SYN3: variants seen among roughly 807,000 people sequenced by gnomAD.
SYN3 encodes synapsin-3.
In SYN3, 35 loss-of-function variants were observed where a neutral mutation model predicts 65.8. That is an observed-to-expected ratio of 0.53 (90% CI 0.41 to 0.70). SYN3 has a LOEUF of 0.70. Ranked by LOEUF, SYN3 falls within the 30% of genes least tolerant of loss-of-function variation. The probability of loss-of-function intolerance (pLI) is 0.00; values close to 1 mark genes in which losing one functional copy is unlikely to be tolerated. For synonymous variants in SYN3, 270 were observed against 292.9 expected (o/e 0.92, Z 0.80); for missense variants, 680 against 749.0 (o/e 0.91, Z 1.08).
intron 10 of SYN3, 56 bp downstream of exon 10, chr22:32,533,737 C>T (rs2058115488): frequency 7.8e-6 from 10 of 1,285,154 alleles, no homozygotes; most frequent in Non-Finnish European, 1.1e-5. Context: ...ATTCCCTCCC[C>T]CTGGCACGCC....
chr22:32,752,757 C>T (rs1167509156), intron 6 of SYN3, among the ~76,000 whole-genome samples: 8 of 152,230 alleles, frequency 5.3e-5, no homozygotes, highest in African/African-American at 1.9e-4. Flanking sequence ...GATCTCTGAT[C>T]GACAGGAGAT....
At chr22:32,566,298 G>A (rs1356746670) in intron 7 of SYN3, among the ~76,000 whole-genome samples, 1 of 152,184 alleles carries the variant, frequency 6.6e-6, no homozygotes, top group East Asian at 1.9e-4. Flanking sequence ...ATAGAGGCAT[G>A]TGTCAAGCAC....
At chr22:32,862,536 G>A (rs1011772352) in intron 6 of SYN3, 22 of 152,180 alleles carry the variant, frequency 1.4e-4, no homozygotes, top group African/African-American at 5.3e-4. Flanking sequence ...TGTGACAATT[G>A]ACAATCTGGA....
Position 32,955,458 on chromosome 22 carries a change from T to C in SYN3, c.370-23977A>G, listed in dbSNP as rs141092196. ...ATGAGCCATGCGGACACCTGGGGGATGAGGGGCCCAGGCAAAGGCCTTGAT... is the reference window on the plus strand; with the variant it reads ...ATGAGCCATGCGGACACCTGGGGGACGAGGGGCCCAGGCAAAGGCCTTGAT... On this transcript the variant is annotated intron_variant, in intron 3 of 13. Transcript: ENST00000358763. 1.1e-3 allele frequency among the ~76,000 whole-genome samples: 166 copies of C among 152,278 alleles called. 2 individuals are homozygous for C. Among genetic ancestry groups the C allele is most frequent in the Admixed American group, 0.01 (154 of 15,292 alleles).
intron 1 of SYN3, among the ~76,000 whole-genome samples, chr22:33,012,115 C>T (rs2053364744): frequency 6.6e-6 from 1 of 152,074 alleles, no homozygotes; most frequent in Non-Finnish European, 1.5e-5. Context: ...TTTTCTAGAG[C>T]CTTGAGCTGG....
chr22:32,710,099 A>ATATATG (rs1555931600), intron 6 of SYN3, among the ~76,000 whole-genome samples: 27 of 65,630 alleles, frequency 4.1e-4, no homozygotes, highest in Admixed American at 2.3e-3. Context: ...ACACACACAC[A>ATATATG]TGTGTGTGTG....
At chr22:32,591,142 C>A (rs1385061876) in intron 7 of SYN3, among the ~76,000 whole-genome samples, 2 of 152,088 alleles carry the variant, frequency 1.3e-5, no homozygotes, top group Non-Finnish European at 2.9e-5. Context: ...TAAGGTCTCA[C>A]AACTATTAGG....
At chr22:32,895,395 T>C (rs2049562916) in intron 4 of SYN3, among the ~76,000 whole-genome samples, 1 of 152,228 alleles carries the variant, frequency 6.6e-6, no homozygotes. Flanking sequence ...TATACTTGCA[T>C]GTACATCTAT....
intron 4 of SYN3, among the ~76,000 whole-genome samples, chr22:32,903,872 G>C (rs1462633765): frequency 6.6e-6 from 1 of 152,244 alleles, no homozygotes; most frequent in Non-Finnish European, 1.5e-5. Flanking sequence ...CAGGAGGCTG[G>C]TGGGAAGACC....
intron 6 of SYN3, chr22:32,860,208 C>T (rs894395272): frequency 1.3e-5 from 2 of 152,246 alleles, no homozygotes; most frequent in Non-Finnish European, 2.9e-5. Context: ...CCCTGCCTCC[C>T]ACCAGACTTC....
At chr22:32,906,069 A>AC (rs967615416) in intron 4 of SYN3, among the ~76,000 whole-genome samples, 1 of 152,032 alleles carries the variant, frequency 6.6e-6, no homozygotes, top group African/African-American at 2.4e-5. Flanking sequence ...AAACTAACTG[A>AC]CCCCACCTGG....
chr22:32,670,444 C>T (rs130737), intron 6 of SYN3, among the ~76,000 whole-genome samples: 44,561 of 152,092 alleles, frequency 0.29, 7,479 homozygotes, highest in Middle Eastern at 0.4. Context: ...AGAGAGAGGA[C>T]TAAACATTCA....
In SYN3 at chr22:32,749,904, G is replaced by T. The variant is rs139609318; in HGVS notation, c.711+115011C>A. Among the ~76,000 whole-genome samples, 28 of 152,246 alleles carry T rather than the reference G, an allele frequency of 1.8e-4. No individual in the cohort carries two copies. In the East Asian group the frequency reaches 5.2e-3, roughly 28 times the overall value. ...TGGTAATGAGTCAGGGCTAGATAGG[G>T]GTCTGTTTGAATGAGAGTCTGATGC... On this transcript the variant is annotated intron_variant, in intron 6 of 13. Coordinates refer to ENST00000358763, the MANE Select transcript of SYN3 (RefSeq NM_003490.4).
intron 6 of SYN3, among the ~76,000 whole-genome samples, chr22:32,682,244 A>G (rs2060533943): frequency 6.6e-6 from 1 of 152,162 alleles, no homozygotes; most frequent in Admixed American, 6.5e-5. Context: ...AACATCCTAC[A>G]ATGCACAAGT....
intron 6 of SYN3, among the ~76,000 whole-genome samples, chr22:32,707,354 T>G (rs2060893775): frequency 6.6e-6 from 1 of 152,166 alleles, no homozygotes; most frequent in Non-Finnish European, 1.5e-5. Flanking sequence ...GGAGGAAACG[T>G]CAGTCATCTC....
intron 6 of SYN3, among the ~76,000 whole-genome samples, chr22:32,611,227 C>A (rs2059437763): frequency 1.3e-5 from 2 of 151,232 alleles, no homozygotes; most frequent in Non-Finnish European, 2.9e-5. Flanking sequence ...CCGTCTCATC[C>A]ACTGTTGTAT....
At chr22:32,964,521 G>T (rs997726242) in intron 3 of SYN3, among the ~76,000 whole-genome samples, 9 of 152,056 alleles carry the variant, frequency 5.9e-5, no homozygotes, top group Non-Finnish European at 1.3e-4. Context: ...TAAGAAGCAG[G>T]TCATTTTTCA....
chr22:32,991,728 A>C (rs2052722801), intron 2 of SYN3, among the ~76,000 whole-genome samples: 1 of 152,106 alleles, frequency 6.6e-6, no homozygotes, highest in South Asian at 2.1e-4. Flanking sequence ...AATTTCGCTA[A>C]GCCTATTCTG....
chr22:32,571,391 T>C (rs2058756823), intron 7 of SYN3, among the ~76,000 whole-genome samples: 1 of 152,208 alleles, frequency 6.6e-6, no homozygotes, highest in South Asian at 2.1e-4. Flanking sequence ...TGGATTTATG[T>C]GGCACCCTGG....
Sources: allele counts gnomAD v4.1 joint callset (sites outside exome capture counted in the v4.1 genomes callset), GRCh38; gene constraint gnomAD v4.1.1; transcripts MANE v1.5; gene names NCBI Gene and HGNC (gene_info 2026-07-23, HGNC 2026-07-21).